The following TMEM223 variants were observed in gnomAD, a reference collection of about 807,000 sequenced individuals.
TMEM223 encodes transmembrane protein 223.
Under a neutral mutation model 14.1 loss-of-function variants are expected in TMEM223, and 14 were observed. The observed-to-expected ratio is 0.99, with a 90% CI of 0.66 to 1.55. The LOEUF is 1.55. TMEM223 is among the 40% of genes most tolerant of loss of function. The pLI is 0.00. For synonymous variants in TMEM223, 145 were observed against 120.5 expected (o/e 1.20, Z -1.33); for missense variants, 346 against 269.9 (o/e 1.28, Z -1.97).
At chr11:62,778,611 A>G (rs1241183716) in intron 1 of TMEM223, 3 of 612,104 alleles carry the variant, frequency 4.9e-6, no homozygotes, top group African/African-American at 1.8e-5. Flanking sequence ...TATGCTGAGC[A>G]GAGCTTCACA....
At chr11:62,784,549 G>T (rs1249720952), downstream of TMEM223, among the ~76,000 whole-genome samples, 1 of 151,924 alleles carries the variant, frequency 6.6e-6, no homozygotes, top group Non-Finnish European at 1.5e-5. Context: ...CTCATGATCC[G>T]CCCGCCTTGG....
chr11:62,791,589 T>A, intron 1 of TMEM223, 90 bp downstream of exon 1: 1 of 1,378,796 alleles, frequency 7.3e-7, no homozygotes, highest in Middle Eastern at 2.6e-4. Context: ...CACTCTCGGA[T>A]AGGGAGTCCC....
chr11:62,791,495 G>A (rs1012721621), intron 1 of TMEM223, among the ~76,000 whole-genome samples, 184 bp downstream of exon 1: 2 of 152,208 alleles, frequency 1.3e-5, no homozygotes, highest in African/African-American at 4.8e-5. Context: ...CTGACCTAGT[G>A]ATCCGCCCGC....
chr11:62,775,886 C>G, intron 1 of TMEM223: 1 of 1,614,038 alleles, frequency 6.2e-7, no homozygotes, highest in Non-Finnish European at 8.5e-7. Flanking sequence ...GGTGGCGGCG[C>G]TGCTCGCAGA....
rs1314616135 is a variant in TMEM223 at position 62,773,042 on chromosome 11, C to T, written c.386-910G>A. ...ATTTTTAGTAGAGACAGGGTTTCAC[C>T]GTGTTAGCCAGGATGGTCTTCATCT... On this transcript the variant is annotated intron_variant, in intron 2 of 2. Transcript: ENST00000528367. Among the ~76,000 whole-genome samples, 9 of 151,300 alleles carry T rather than the reference C, an allele frequency of 5.9e-5. No homozygotes were observed. The East Asian group carries it at 1.2e-3, about 20-fold the overall frequency.
chr11:62,789,601 C>G (rs750653812), downstream of TMEM223: 1 of 1,549,924 alleles, frequency 6.5e-7, no homozygotes, highest in Admixed American at 2.0e-5. Context: ...GACCTCACAG[C>G]TGTTCTGAAG....
chr11:62,789,277 T>C (rs1178622379), downstream of TMEM223: 2 of 1,613,952 alleles, frequency 1.2e-6, no homozygotes, highest in East Asian at 2.2e-5. Flanking sequence ...ACAAGGCTTG[T>C]TCTCTCCCTT....
exon 3 of TMEM223, chr11:62,771,857 G>A: frequency 3.3e-6 from 1 of 305,970 alleles, no homozygotes; most frequent in Non-Finnish European, 6.5e-6. Flanking sequence ...CGCGCTGGTG[G>A]ACTAAATGCT....
At chr11:62,772,183 GAAGTAATCCATATA>G in intron 2 of TMEM223, 3 of 455,868 alleles carry the variant, frequency 6.6e-6, no homozygotes, top group Non-Finnish European at 8.8e-6. Context: ...AGAATATAGT[GAAGTAATCCATATA>G]AAGCACTTAG....
At chr11:62,789,310 C>T (rs760443786), downstream of TMEM223, 10 of 1,613,956 alleles carry the variant, frequency 6.2e-6, no homozygotes, top group Non-Finnish European at 7.6e-6. Context: ...TAGGGCTGCG[C>T]ATTGCACTGG....
At chr11:62,787,307 C>A (rs748715125), downstream of TMEM223, 2 of 1,530,084 alleles carry the variant, frequency 1.3e-6, no homozygotes, top group Non-Finnish European at 1.7e-6. Context: ...GTCAGTGGCC[C>A]CTTCGTTCCT....
downstream of TMEM223, chr11:62,771,522 C>A (rs1241037252): frequency 6.3e-6 from 1 of 159,072 alleles, no homozygotes; most frequent in African/African-American, 2.4e-5. Flanking sequence ...CCAAGGACTC[C>A]CCATTCCCGA....
downstream of TMEM223, chr11:62,787,639 G>C (rs1246748911): frequency 4.5e-6 from 6 of 1,337,910 alleles, no homozygotes; most frequent in East Asian, 5.1e-5. Context: ...GGTGGACCTG[G>C]TGAGGCACGG....
At chr11:62,786,945 C>G, downstream of TMEM223, 1 of 1,457,792 alleles carries the variant, frequency 6.9e-7, no homozygotes, top group South Asian at 1.4e-5. Context: ...GGGGCAGCGG[C>G]GGAGGCGGCC....
chr11:62,780,579 C>T (rs1443356460), intron 1 of TMEM223, among the ~76,000 whole-genome samples: 2 of 150,698 alleles, frequency 1.3e-5, no homozygotes, highest in East Asian at 2.0e-4. Context: ...CAAAGAAAAA[C>T]GAAAAAGTAA....
At chr11:62,787,077 C>G (rs759310948), downstream of TMEM223, 9 of 1,532,408 alleles carry the variant, frequency 5.9e-6, no homozygotes, top group African/African-American at 1.1e-4. Flanking sequence ...TCCAGAAGAG[C>G]CGTTTCGCCC....
At chr11:62,786,385 T>A, downstream of TMEM223, 1 of 1,613,888 alleles carries the variant, frequency 6.2e-7, no homozygotes, top group Non-Finnish European at 8.5e-7. Context: ...ATGGAGCCAT[T>A]CTGGTGAGTA....
downstream of TMEM223, chr11:62,786,352 C>T (rs140375142): frequency 6.2e-7 from 1 of 1,614,162 alleles, no homozygotes. Flanking sequence ...ATGCCCAGGT[C>T]AAAGCAGATG....
In TMEM223 at chr11:62,772,468, A is replaced by G. The variant is rs1195731283; in HGVS notation, c.386-336T>C. On this transcript the variant is annotated intron_variant, in intron 2 of 2. Coordinates refer to the TMEM223 transcript ENST00000528367. ...AACCAGGGAGGCAGAGGTTGTAGTG[A>G]GCCGAGATCACGCCACTGTACTCCA... 2.7e-5 allele frequency among the ~76,000 whole-genome samples: 4 copies of G among 150,600 alleles called. 1 individual carries two copies. The highest frequency in any genetic ancestry group is 4.2e-4 in the South Asian group (2 of 4,788).
Sources: allele counts gnomAD v4.1 joint callset (sites outside exome capture counted in the v4.1 genomes callset), GRCh38; gene constraint gnomAD v4.1.1; transcripts MANE v1.5; gene names NCBI Gene and HGNC (gene_info 2026-07-23, HGNC 2026-07-21).